Variants in SLC8A3 observed in about 807,000 individuals in gnomAD.
SLC8A3 encodes the protein solute carrier family 8 member A3.
SLC8A3 carries 37 observed loss-of-function variants against 65.4 expected under a neutral mutation model. That is an observed-to-expected ratio of 0.57 (90% CI 0.44 to 0.74). The LOEUF is 0.74. Among genes scored for constraint, SLC8A3 ranks in the 30% least tolerant of loss-of-function variants. SLC8A3 has a pLI of 0.00. For missense variants in SLC8A3, 1,112 were observed against 1,172.1 expected (o/e 0.95, Z 0.75); for synonymous variants, 461 against 444.5 (o/e 1.04, Z -0.47).
intron 2 of SLC8A3, among the ~76,000 whole-genome samples, chr14:70,141,904 C>T (rs189740181): frequency 2.3e-4 from 35 of 152,302 alleles, no homozygotes; most frequent in African/African-American, 4.1e-4. Context: ...CTTTGTAACC[C>T]GTTTCTCTGA....
chr14:70,108,649 T>C (rs1451119149), intron 2 of SLC8A3, among the ~76,000 whole-genome samples: 2 of 152,230 alleles, frequency 1.3e-5, no homozygotes, highest in Non-Finnish European at 2.9e-5. Flanking sequence ...GAGCAGCTGC[T>C]GCTCATGGTG....
intron 3 of SLC8A3, among the ~76,000 whole-genome samples, chr14:70,052,740 G>A (rs575416040): frequency 6.6e-6 from 1 of 152,244 alleles, no homozygotes; most frequent in Non-Finnish European, 1.5e-5. Context: ...ATTGCTCTTG[G>A]CAGCTTGTTT....
At chr14:70,146,852 T>C (rs990465320) in intron 2 of SLC8A3, among the ~76,000 whole-genome samples, 7 of 152,228 alleles carry the variant, frequency 4.6e-5, no homozygotes, top group Non-Finnish European at 8.8e-5. Context: ...GGAGGAAATG[T>C]GTGTGTTAGA....
rs147777661 is a variant in SLC8A3, at chr14:70,185,069, C to A, written c.-63+3310G>T. On this transcript the variant is annotated intron_variant, in intron 1 of 6. Transcript: ENST00000356921. The stretch of plus-strand genomic sequence containing the variant: ...GCAACCTCTGCCTCCCAGGTTCAAG[C>A]GATTCTCCTGCCTCAGCCTCCTGAG... Among the ~76,000 whole-genome samples, 138 of 150,454 alleles carry A rather than the reference C, an allele frequency of 9.2e-4. 6 individuals carry two copies. In the East Asian group the frequency reaches 0.026, roughly 28 times the overall value.
At chr14:70,128,206 A>T (rs971060981) in intron 2 of SLC8A3, among the ~76,000 whole-genome samples, 1 of 152,148 alleles carries the variant, frequency 6.6e-6, no homozygotes, top group Non-Finnish European at 1.5e-5. Context: ...ATCCAAATCT[A>T]GTTATCATCA....
chr14:70,143,985 C>T (rs979346119), intron 2 of SLC8A3, among the ~76,000 whole-genome samples: 2 of 152,288 alleles, frequency 1.3e-5, no homozygotes, highest in South Asian at 2.1e-4. Context: ...CCCACAAAAC[C>T]GTGGCCATGG....
At chr14:70,187,951 ACACGC>A (rs1173642063) in intron 1 of SLC8A3, among the ~76,000 whole-genome samples, 1 of 152,102 alleles carries the variant, frequency 6.6e-6, no homozygotes, top group Non-Finnish European at 1.5e-5. Flanking sequence ...CAGAAGCACA[ACACGC>A]CCTGGCCCAG....
chr14:70,059,984 C>T (rs1224297472), intron 3 of SLC8A3, among the ~76,000 whole-genome samples: 1 of 152,246 alleles, frequency 6.6e-6, no homozygotes, highest in East Asian at 1.9e-4. Flanking sequence ...CTGAATGAGG[C>T]ACCCAACCTT....
At position 70,093,090 on chromosome 14, in the gene SLC8A3, G is replaced by T. The variant is rs1243286203; in HGVS notation, c.1785-32151C>A. On this transcript the variant is annotated intron_variant, in intron 2 of 6. Transcript: ENST00000356921. ...AAGCACATGTCATAATGTGACAGAT[G>T]GACAAGGCTTATACCTTAGAGCTGT... 4.6e-5 allele frequency among the ~76,000 whole-genome samples: 7 copies of T among 152,326 alleles called. No homozygotes were observed. In the East Asian group the frequency reaches 1.3e-3, roughly 29 times the overall value.
chr14:70,131,321 G>A (rs955595437), intron 2 of SLC8A3, among the ~76,000 whole-genome samples: 1 of 152,194 alleles, frequency 6.6e-6, no homozygotes, highest in Non-Finnish European at 1.5e-5. Flanking sequence ...CTGAAATGAT[G>A]TAGAAGAGGG....
intron 2 of SLC8A3, among the ~76,000 whole-genome samples, chr14:70,096,709 A>G (rs982382635): frequency 6.6e-6 from 1 of 152,190 alleles, no homozygotes; most frequent in Admixed American, 6.5e-5. Context: ...CAAATCCTCA[A>G]TTCATGTCCC....
intron 2 of SLC8A3, among the ~76,000 whole-genome samples, chr14:70,163,145 A>G (rs1311027612): frequency 6.6e-6 from 1 of 152,228 alleles, no homozygotes; most frequent in East Asian, 1.9e-4. Context: ...TTGTTGAATG[A>G]CTGAACACCA....
At chr14:70,144,326 TTTTTTA>T (rs1895770742) in intron 2 of SLC8A3, among the ~76,000 whole-genome samples, 1 of 143,406 alleles carries the variant, frequency 7.0e-6, no homozygotes, top group African/African-American at 2.6e-5. Flanking sequence ...TTTTTTTTTT[TTTTTTA>T]AAAAAAAAAA....
rs759380339 is a variant in SLC8A3 at position 70,045,902 on chromosome 14, A to C, written c.*45T>G. The C allele has an allele frequency of 2.7e-5, 41 of 1,507,376 alleles. No homozygotes were observed. The highest frequency in any genetic ancestry group is 3.6e-5 in the Non-Finnish European group (40 of 1,124,432). The allele number at this position is 1,507,376 out of a possible 1,614,324, so 93.4% of individuals were successfully genotyped here. A position where few individuals can be genotyped will look rare whatever the true frequency, so the allele number is the denominator to read the frequency against. ...ACTGGTGGGGAAGTGCCCTTCTCTT[A>C]GGAGAAGTCCTAGGCCTGCCCTGCT... On this transcript the variant is annotated 3_prime_UTR_variant, in exon 7 of 7. Coordinates refer to ENST00000356921, the MANE Select transcript of SLC8A3 (RefSeq NM_182932.3).
intron 1 of SLC8A3, among the ~76,000 whole-genome samples, chr14:70,179,129 A>G (rs1859150024): frequency 6.6e-6 from 1 of 152,158 alleles, no homozygotes. Flanking sequence ...ACTTGAAACA[A>G]CCTTACCCTA....
intron 3 of SLC8A3, among the ~76,000 whole-genome samples, chr14:70,052,452 C>T (rs1887618173): frequency 6.6e-6 from 1 of 152,136 alleles, no homozygotes; most frequent in Non-Finnish European, 1.5e-5. Flanking sequence ...GTGTTTTGAC[C>T]TTGAACTATT....
At chr14:70,159,286 G>A (rs968604629) in intron 2 of SLC8A3, among the ~76,000 whole-genome samples, 3 of 152,090 alleles carry the variant, frequency 2.0e-5, no homozygotes, top group Non-Finnish European at 2.9e-5. Context: ...GCATATGCCT[G>A]TAGTCCCAGC....
chr14:70,057,900 G>A (rs1386196726), intron 3 of SLC8A3, among the ~76,000 whole-genome samples: 5 of 152,176 alleles, frequency 3.3e-5, no homozygotes, highest in Non-Finnish European at 7.3e-5. Context: ...GAGAGAGAGA[G>A]AGACAGAGAG....
chr14:70,156,169 G>T (rs184008796), intron 2 of SLC8A3, among the ~76,000 whole-genome samples: 4 of 152,316 alleles, frequency 2.6e-5, no homozygotes, highest in East Asian at 1.9e-4. Context: ...GCTTCTGGAA[G>T]ATTCTAGTCT....
Sources: allele counts gnomAD v4.1 joint callset (sites outside exome capture counted in the v4.1 genomes callset), GRCh38; gene constraint gnomAD v4.1.1; transcripts MANE v1.5; gene names NCBI Gene and HGNC (gene_info 2026-07-23, HGNC 2026-07-21).